EYS: variants seen among roughly 807,000 people sequenced by gnomAD.
EYS encodes protein eyes shut homolog.
In EYS, 250 loss-of-function variants were observed where a neutral mutation model predicts 282.1. The observed-to-expected ratio is 0.89, with a 90% CI of 0.80 to 0.98. The LOEUF (loss-of-function observed/expected upper bound fraction) is 0.98. Ranked by LOEUF, EYS falls within the 50% of genes least tolerant of loss-of-function variation. EYS has a pLI of 0.00. For synonymous variants in EYS, 1,355 were observed against 1,282.9 expected, an observed-to-expected ratio of 1.06 and a Z score of -1.20; for missense variants, 4,016 against 3,709.0, an observed-to-expected ratio of 1.08 and a Z score of -2.15.
intron 12 of EYS, among the ~76,000 whole-genome samples, chr6:65,251,379 CTA>C (rs1308050246): frequency 1.3e-5 from 2 of 150,628 alleles, no homozygotes; most frequent in Non-Finnish European, 3.0e-5. Context: ...TTATTACAAA[CTA>C]TAAAAATTTT....
chr6:64,066,245 T>A, intron 33 of EYS, 93 bp downstream of exon 33: 1 of 1,157,394 alleles, frequency 8.6e-7, no homozygotes, highest in East Asian at 2.6e-5. Context: ...ACCACTGCGC[T>A]CCAGACTGGG....
chr6:64,071,064 CATTA>C (rs754389999), intron 32 of EYS, among the ~76,000 whole-genome samples: 11 of 151,934 alleles, frequency 7.2e-5, no homozygotes, highest in African/African-American at 2.2e-4. Context: ...TATTGCTCAA[CATTA>C]ATTAAGTGTT....
At chr6:64,082,254 AC>A (rs1771998602) in intron 31 of EYS, among the ~76,000 whole-genome samples, 1 of 152,182 alleles carries the variant, frequency 6.6e-6, no homozygotes, top group African/African-American at 2.4e-5. Flanking sequence ...GGGTTTTAAG[AC>A]ATAACAAACA....
intron 31 of EYS, among the ~76,000 whole-genome samples, chr6:64,128,910 G>A (rs1042657381): frequency 2.6e-5 from 4 of 152,126 alleles, no homozygotes; most frequent in African/African-American, 4.8e-5. Context: ...CTAAGATCTA[G>A]AATAATAGCA....
At chr6:65,178,044 G>A (rs9345597) in intron 12 of EYS, among the ~76,000 whole-genome samples, 1 of 151,894 alleles carries the variant, frequency 6.6e-6, no homozygotes, top group African/African-American at 2.4e-5. Context: ...ACAGACAAAT[G>A]GGTAGGTGGG....
chr6:63,838,642 G>A (rs1040997734), intron 36 of EYS, among the ~76,000 whole-genome samples: 6 of 152,116 alleles, frequency 3.9e-5, no homozygotes, highest in Admixed American at 6.6e-5. Flanking sequence ...TCCCCTGTAG[G>A]TGAGAGAGGA....
chr6:65,371,024 G>C (rs1765123473), intron 8 of EYS, among the ~76,000 whole-genome samples: 1 of 151,828 alleles, frequency 6.6e-6, no homozygotes, highest in Non-Finnish European at 1.5e-5. Context: ...AGAAAGTGGA[G>C]ATGACACATA....
At chr6:65,269,824 T>C (rs1044448752) in intron 12 of EYS, among the ~76,000 whole-genome samples, 2 of 152,136 alleles carry the variant, frequency 1.3e-5, no homozygotes, top group African/African-American at 4.8e-5. Context: ...ATGCTAATCA[T>C]GAGGGTGGAG....
intron 31 of EYS, among the ~76,000 whole-genome samples, chr6:64,166,740 A>G (rs1356871257): frequency 6.6e-6 from 1 of 152,228 alleles, no homozygotes; most frequent in Non-Finnish European, 1.5e-5. Context: ...TCAACTTCGG[A>G]GTGAATTACA....
chr6:64,714,357 A>G (rs1367083314), intron 22 of EYS, among the ~76,000 whole-genome samples: 1 of 152,028 alleles, frequency 6.6e-6, no homozygotes, highest in Non-Finnish European at 1.5e-5. Context: ...TGAGAGGAAA[A>G]CTTTCCTTTT....
intron 2 of EYS, among the ~76,000 whole-genome samples, chr6:65,521,273 C>T (rs1211910774): frequency 6.6e-6 from 1 of 152,050 alleles, no homozygotes; most frequent in Non-Finnish European, 1.5e-5. Context: ...GCTCTAGAGT[C>T]AAAAACCCTG....
At chr6:64,742,571 T>G (rs912789078) in intron 22 of EYS, among the ~76,000 whole-genome samples, 3 of 152,158 alleles carry the variant, frequency 2.0e-5, no homozygotes, top group Non-Finnish European at 4.4e-5. Flanking sequence ...ATGTTAAATG[T>G]TCTTCACATA....
intron 12 of EYS, among the ~76,000 whole-genome samples, chr6:65,065,540 G>C (rs1187221262): frequency 6.8e-6 from 1 of 148,074 alleles, no homozygotes; most frequent in Non-Finnish European, 1.5e-5. Context: ...CCACCACCAC[G>C]CCTGGCTATT....
intron 26 of EYS, among the ~76,000 whole-genome samples, chr6:64,499,698 C>T (rs369469214): frequency 2.6e-4 from 40 of 152,152 alleles, no homozygotes; most frequent in Admixed American, 6.5e-4. Flanking sequence ...TCCACCTGGC[C>T]TCAGAGTGCT....
At chr6:64,972,113 CA>C (rs1276710807) in intron 14 of EYS, among the ~76,000 whole-genome samples, 4 of 152,152 alleles carry the variant, frequency 2.6e-5, no homozygotes, top group African/African-American at 9.6e-5. Flanking sequence ...AGCAGAAGAC[CA>C]CCTGATGATG....
At chr6:65,181,611 G>C (rs866799164) in intron 12 of EYS, among the ~76,000 whole-genome samples, 3 of 152,150 alleles carry the variant, frequency 2.0e-5, no homozygotes, top group Non-Finnish European at 4.4e-5. Context: ...CTGTTGGTGG[G>C]ACTGTAAACT....
intron 15 of EYS, among the ~76,000 whole-genome samples, chr6:64,933,749 T>C (rs527446179): frequency 6.6e-6 from 1 of 152,138 alleles, no homozygotes; most frequent in South Asian, 2.1e-4. Context: ...CCACCAATGA[T>C]AGATTGGATA....
At chr6:64,353,978 C>A (rs757150026) in intron 29 of EYS, among the ~76,000 whole-genome samples, 1 of 151,430 alleles carries the variant, frequency 6.6e-6, no homozygotes, top group Non-Finnish European at 1.5e-5. Flanking sequence ...TGTGAGCCAC[C>A]GGAGGTTAGC....
At chr6:65,574,493 G>C (rs1410613642) in intron 2 of EYS, among the ~76,000 whole-genome samples, 1 of 152,072 alleles carries the variant, frequency 6.6e-6, no homozygotes, top group African/African-American at 2.4e-5. Flanking sequence ...CGTGTATCAG[G>C]TAAAATAAAC....
Sources: allele counts gnomAD v4.1 joint callset (sites outside exome capture counted in the v4.1 genomes callset), GRCh38; gene constraint gnomAD v4.1.1; transcripts MANE v1.5; gene names NCBI Gene and HGNC (gene_info 2026-07-23, HGNC 2026-07-21).